Variants in RBFOX1 observed in about 807,000 individuals in gnomAD.
RBFOX1 encodes RNA binding fox-1 homolog 1, also known as RNA binding protein fox-1 homolog 1.
RBFOX1 carries 8 observed loss-of-function variants against 57.7 expected under a neutral mutation model. The ratio of observed to expected loss-of-function variants is 0.14; its 90% CI spans 0.08 to 0.25. RBFOX1 has a LOEUF of 0.25. Ranked by LOEUF, RBFOX1 falls within the 10% of genes least tolerant of loss-of-function variation. The pLI, the probability that RBFOX1 is intolerant of heterozygous loss-of-function variation, is 1.00. For missense variants in RBFOX1, 611 were observed against 548.5 expected (o/e 1.11, Z -1.14); for synonymous variants, 326 against 222.4 (o/e 1.47, Z -4.15).
At chr16:6,797,825 C>G (rs1039082793) in intron 3 of RBFOX1, among the ~76,000 whole-genome samples, 1 of 152,152 alleles carries the variant, frequency 6.6e-6, no homozygotes, top group Non-Finnish European at 1.5e-5. Context: ...TGTCTGCAAT[C>G]ATGAGCTCTA....
At chr16:6,960,454 C>T (rs2082724296) in intron 3 of RBFOX1, among the ~76,000 whole-genome samples, 1 of 152,160 alleles carries the variant, frequency 6.6e-6, no homozygotes. Flanking sequence ...ACTCCCTTGT[C>T]TCCCAGTTCT....
At chr16:7,562,418 G>T (rs918542275) in intron 5 of RBFOX1, among the ~76,000 whole-genome samples, 2 of 152,128 alleles carry the variant, frequency 1.3e-5, no homozygotes, top group African/African-American at 4.8e-5. Context: ...AATGCTGAAG[G>T]AGAGGACCCT....
chr16:6,152,941 C>T (rs576632749), intron 1 of RBFOX1, among the ~76,000 whole-genome samples: 1 of 152,032 alleles, frequency 6.6e-6, no homozygotes, highest in South Asian at 2.1e-4. Context: ...AGCTCAGTGC[C>T]ACCCATGTTG....
intron 2 of RBFOX1, among the ~76,000 whole-genome samples, chr16:6,595,700 C>A (rs992524386): frequency 6.6e-6 from 1 of 152,134 alleles, no homozygotes; most frequent in African/African-American, 2.4e-5. Context: ...TCCCTTTTGT[C>A]CACATCGTCA....
chr16:6,311,566 T>C (rs761917179), intron 1 of RBFOX1, among the ~76,000 whole-genome samples: 1 of 152,180 alleles, frequency 6.6e-6, no homozygotes, highest in Admixed American at 6.5e-5. Flanking sequence ...CTTTAACCCA[T>C]GACTGTCCTT....
chr16:6,391,814 A>G (rs2092616609), intron 2 of RBFOX1, among the ~76,000 whole-genome samples: 1 of 152,206 alleles, frequency 6.6e-6, no homozygotes, highest in Admixed American at 6.5e-5. Flanking sequence ...TACCCCTCCC[A>G]TCCTCGAAGA....
intron 3 of RBFOX1, among the ~76,000 whole-genome samples, chr16:6,687,830 A>G (rs539244948): frequency 6.6e-6 from 1 of 152,300 alleles, no homozygotes; most frequent in African/African-American, 2.4e-5. Flanking sequence ...GGCCCAACCT[A>G]ACTCCAAAGG....
chr16:7,322,794 A>G (rs8043861), intron 4 of RBFOX1, among the ~76,000 whole-genome samples: 152,292 of 152,298 alleles, frequency 1, 76,143 homozygotes, highest in Middle Eastern at 1. Context: ...GCTTCACAAA[A>G]AAAGGGCAAC....
chr16:5,490,440 G>C (rs4786694), intron 2 of RBFOX1, among the ~76,000 whole-genome samples: 127,933 of 152,246 alleles, frequency 0.84, 54,099 homozygotes, highest in African/African-American at 0.95. Context: ...TTGACCTTCT[G>C]TAGGTGCTCG....
chr16:6,920,727 C>T (rs1004929546), intron 3 of RBFOX1, among the ~76,000 whole-genome samples: 2 of 152,184 alleles, frequency 1.3e-5, no homozygotes, highest in East Asian at 1.9e-4. Flanking sequence ...TGCATCACTC[C>T]AGTCTTTACT....
At chr16:7,032,955 G>A (rs571508663) in intron 3 of RBFOX1, among the ~76,000 whole-genome samples, 1 of 152,280 alleles carries the variant, frequency 6.6e-6, no homozygotes, top group South Asian at 2.1e-4. Context: ...TTCAATTTGG[G>A]AGACAGTGTG....
At chr16:7,217,009 T>C (rs1202015764) in intron 4 of RBFOX1, among the ~76,000 whole-genome samples, 197 of 16,686 alleles carry the variant, frequency 0.012, no homozygotes, top group Non-Finnish European at 0.014. Context: ...CCTCCCTCCC[T>C]TCCCTCCCTC....
intron 1 of RBFOX1, among the ~76,000 whole-genome samples, chr16:6,035,277 C>T (rs2095350784): frequency 6.6e-6 from 1 of 152,190 alleles, no homozygotes. Context: ...CACATGGTGG[C>T]TGATGTCAGG....
chr16:7,175,235 T>C (rs924231394), intron 4 of RBFOX1, among the ~76,000 whole-genome samples: 3 of 152,094 alleles, frequency 2.0e-5, no homozygotes, highest in African/African-American at 7.2e-5. Flanking sequence ...GTGTGTGTTG[T>C]TCCTCTCCCT....
chr16:6,285,074 G>T (rs530910151), intron 1 of RBFOX1, among the ~76,000 whole-genome samples: 86 of 152,186 alleles, frequency 5.7e-4, no homozygotes, highest in African/African-American at 2.0e-3. Flanking sequence ...TGATTTCTTC[G>T]TTGTTGTTTC....
chr16:7,238,400 G>C (rs2093884504), intron 4 of RBFOX1, among the ~76,000 whole-genome samples: 1 of 152,128 alleles, frequency 6.6e-6, no homozygotes, highest in Non-Finnish European at 1.5e-5. Flanking sequence ...TCTGCCAGCT[G>C]CCCTTGTCTA....
chr16:6,006,403 C>T (rs1373482751), intron 4 of RBFOX1, among the ~76,000 whole-genome samples: 1 of 152,108 alleles, frequency 6.6e-6, no homozygotes, highest in Non-Finnish European at 1.5e-5. Context: ...AAAATGTTCT[C>T]CTTCTGCTGG....
intron 3 of RBFOX1, among the ~76,000 whole-genome samples, chr16:5,757,174 A>G (rs2053427224): frequency 6.6e-6 from 1 of 150,870 alleles, no homozygotes; most frequent in African/African-American, 2.4e-5. Flanking sequence ...CAGCCAGCAG[A>G]GGGAGAAAGA....
At chr16:5,736,161 T>C (rs1250491210) in intron 3 of RBFOX1, among the ~76,000 whole-genome samples, 2 of 152,102 alleles carry the variant, frequency 1.3e-5, no homozygotes, top group African/African-American at 2.4e-5. Context: ...GGAGCCACTC[T>C]TCCTGCCTTT....
Sources: allele counts gnomAD v4.1 joint callset (sites outside exome capture counted in the v4.1 genomes callset), GRCh38; gene constraint gnomAD v4.1.1; transcripts MANE v1.5; gene names NCBI Gene and HGNC (gene_info 2026-07-23, HGNC 2026-07-21).